The following ADA2 variants were observed in gnomAD, a reference collection of about 807,000 sequenced individuals.
ADA2 encodes adenosine deaminase 2, also known as adenosine deaminase CECR1.
Under a neutral mutation model 44.2 loss-of-function variants are expected in ADA2, and 29 were observed. That is an observed-to-expected ratio of 0.66 (90% CI 0.49 to 0.89). The LOEUF (loss-of-function observed/expected upper bound fraction) is 0.89. Ranked by LOEUF, ADA2 falls within the 40% of genes least tolerant of loss-of-function variation. ADA2 has a pLI of 0.00. For missense variants in ADA2, 637 were observed against 644.8 expected, an observed-to-expected ratio of 0.99 and a Z score of 0.13; for synonymous variants, 215 against 234.9, an observed-to-expected ratio of 0.92 and a Z score of 0.77.
chr22:17,190,847 G>A (rs1355940625), intron 5 of ADA2, among the ~76,000 whole-genome samples: 7 of 152,222 alleles, frequency 4.6e-5, no homozygotes, highest in Admixed American at 2.6e-4. Flanking sequence ...TAGGGGGACC[G>A]GCACAAAGCC....
chr22:17,182,265 C>T (rs939532948), intron 8 of ADA2, among the ~76,000 whole-genome samples: 3 of 152,160 alleles, frequency 2.0e-5, no homozygotes, highest in African/African-American at 4.8e-5. Flanking sequence ...CTCAGAGAAG[C>T]GCTAACTGAA....
intron 7 of ADA2, among the ~76,000 whole-genome samples, chr22:17,187,679 AAAAGAAG>A (rs935510900): frequency 6.6e-6 from 1 of 150,708 alleles, no homozygotes; most frequent in Non-Finnish European, 1.5e-5. Context: ...AAAAAAAAAA[AAAAGAAG>A]AAGAAGAAGG....
chr22:17,184,370 G>A (rs1255282457), intron 7 of ADA2, among the ~76,000 whole-genome samples: 3 of 152,148 alleles, frequency 2.0e-5, no homozygotes, highest in Non-Finnish European at 4.4e-5. Flanking sequence ...TGGACTGGGA[G>A]GTTATTTGTT....
intron 6 of ADA2, chr22:17,188,868 A>AAAAAAAAAAAAAAAAATATATATATAT: frequency 3.3e-4 from 27 of 81,174 alleles, no homozygotes; most frequent in African/African-American, 1.1e-3. Flanking sequence ...AAGAGCAAAA[A>AAAAAAAAAAAAAAAAATATATATATAT]ATATATATAT....
intron 4 of ADA2, chr22:17,199,493 G>A: frequency 1.3e-6 from 2 of 1,532,884 alleles, no homozygotes; most frequent in Non-Finnish European, 1.8e-6. Context: ...AGTTCCCTAT[G>A]CACTCCCACA....
intron 7 of ADA2, among the ~76,000 whole-genome samples, chr22:17,185,275 G>A (rs1250893664): frequency 1.3e-5 from 2 of 151,516 alleles, no homozygotes; most frequent in African/African-American, 2.4e-5. Flanking sequence ...TTAGCCGGGC[G>A]TGGTGGCAGG....
rs2123643851 is a variant in ADA2, at chr22:17,189,944, G to A, written c.970C>T (p.Leu324=). 1.2e-6 allele frequency: 2 copies of A among 1,611,566 alleles called. No individual in the cohort carries two copies. Among genetic ancestry groups the A allele is most frequent in the Non-Finnish European group, 8.5e-7 (1 of 1,177,704 alleles). Residue 324 remains leucine, a splice_region_variant and synonymous_variant, in exon 6 of 10, where the codon CTG becomes TTG. Transcript: ENST00000399837. ...KFPTVVAGFD[L]VGHEDTGHSL... is the part of the protein sequence containing the mutation. ...CTTCTGTTCACAGCATGGGTTACCAGGTCAAACCCTGCCACCACCGTGGGG... is the reference window on the plus strand; with the variant it reads ...CTTCTGTTCACAGCATGGGTTACCAAGTCAAACCCTGCCACCACCGTGGGG...
chr22:17,182,129 A>G (rs1401979151), intron 8 of ADA2, 107 bp from the exon 9 acceptor site: 7 of 838,584 alleles, frequency 8.3e-6, no homozygotes, highest in Non-Finnish European at 1.1e-5. Flanking sequence ...TCTTCCCATC[A>G]CTATCTCCCC....
chr22:17,192,158 G>A (rs1168844954), intron 4 of ADA2, among the ~76,000 whole-genome samples: 2 of 152,150 alleles, frequency 1.3e-5, no homozygotes, highest in Admixed American at 6.5e-5. Context: ...GGTCCTCTAC[G>A]GCCTTGGGCA....
At chr22:17,216,101 C>G (rs1438270580) in intron 1 of ADA2, among the ~76,000 whole-genome samples, 1 of 151,786 alleles carries the variant, frequency 6.6e-6, no homozygotes, top group African/African-American at 2.4e-5. Flanking sequence ...GCAGGAGAAT[C>G]GCTTGAACCT....
intron 1 of ADA2, among the ~76,000 whole-genome samples, chr22:17,211,281 C>G (rs147248149): frequency 6.6e-6 from 1 of 152,032 alleles, no homozygotes; most frequent in East Asian, 1.9e-4. Context: ...ATCACTTGAA[C>G]CCAGGAGGCA....
At position 17,188,627 on chromosome 22, in the gene ADA2, C is replaced by G. The variant is rs573450936; in HGVS notation, c.973-180G>C. 6.5e-5 allele frequency: 30 copies of G among 459,872 alleles called. No homozygotes were observed. The Admixed American group carries it at 7.7e-4, about 12-fold the overall frequency. The allele number at this position is 459,872 out of a possible 1,614,324, so 28.5% of individuals were successfully genotyped here. On this transcript the variant is annotated intron_variant, in intron 6 of 9. Transcript: ENST00000399837. Reference sequence around the variant, plus strand: ...AGGCGTGGTGGCTCACACCTGTAATCCCAGCACTTTGGGAGGCCGAGGCAG... The same window carrying G: ...AGGCGTGGTGGCTCACACCTGTAATGCCAGCACTTTGGGAGGCCGAGGCAG...
Position 17,182,776 on chromosome 22 carries a change from A to ATGGTCTTCCATGGGGGATGGATGGGTC in ADA2, c.1082-42_1082-16dup, listed in dbSNP as rs577994684. ...ACCCTGCCAGTCTGAACACACGGGA[A>ATGGTCTTCCATGGGGGATGGATGGGTC]TGGTCTTCCATGGGGGATGGATGGG... is the stretch of plus-strand genomic sequence containing the variant. On this transcript the variant is annotated splice_polypyrimidine_tract_variant and intron_variant, in intron 7 of 9. Coordinates refer to ENST00000399837, the MANE Select transcript of ADA2 (RefSeq NM_001282225.2). The ATGGTCTTCCATGGGGGATGGATGGGTC allele has an allele frequency of 6.2e-7, 1 of 1,611,760 alleles. No homozygotes were observed. The highest frequency in any genetic ancestry group is 8.5e-7 in the Non-Finnish European group (1 of 1,179,356).
In ADA2 at chr22:17,188,909, G is replaced by A. The variant is rs184864895; in HGVS notation, c.973-462C>T. Among the ~76,000 whole-genome samples the A allele has an allele frequency of 3.5e-4, 44 of 127,404 alleles. No homozygotes were observed. In the East Asian group the frequency reaches 3.6e-3, roughly 10 times the overall value. 83.6% of individuals were successfully genotyped at this position (127,404 alleles called of 152,430 possible). The stretch of plus-strand genomic sequence containing the variant: ...TATTTTGTAAAGACGGGGTCTCACC[G>A]ATTTGCTCAGGCTGGTCTAGAACTC... On this transcript the variant is annotated intron_variant, in intron 6 of 9. Coordinates refer to ENST00000399837, the MANE Select transcript of ADA2 (RefSeq NM_001282225.2).
intron 6 of ADA2, 95 bp downstream of exon 6, chr22:17,189,847 T>G: frequency 1.2e-6 from 1 of 848,436 alleles, no homozygotes; most frequent in East Asian, 2.5e-5. Flanking sequence ...AACAGGCACA[T>G]TGCGCTCCCT....
At chr22:17,203,827 C>A in intron 3 of ADA2, 54 bp from the exon 4 acceptor site, 1 of 1,287,698 alleles carries the variant, frequency 7.8e-7, no homozygotes, top group South Asian at 1.2e-5. Flanking sequence ...GACACTGCCC[C>A]CGGGCGCCCA....
In ADA2 at chr22:17,201,377, A is replaced by G. The variant is rs1200485016; in HGVS notation, c.753+2186T>C. 5.9e-5 allele frequency among the ~76,000 whole-genome samples: 9 copies of G among 152,188 alleles called. 1 individual carries two copies. Among genetic ancestry groups the G allele is most frequent in the Non-Finnish European group, 1.0e-4 (7 of 68,040 alleles). ...GAGTCCTATCACTTCTGGGTCTACA[A>G]ACAGTAAACTTCGGAGCGTATAAAA... On this transcript the variant is annotated intron_variant, in intron 4 of 9. Coordinates refer to ENST00000399837, the MANE Select transcript of ADA2 (RefSeq NM_001282225.2).
intron 5 of ADA2, among the ~76,000 whole-genome samples, chr22:17,191,137 C>G (rs2062109400): frequency 6.6e-6 from 1 of 152,218 alleles, no homozygotes. Context: ...CTGGTAAAGT[C>G]AGAAGGACAA....
intron 1 of ADA2, chr22:17,214,267 G>A (rs998548058): frequency 1.3e-5 from 4 of 299,530 alleles, no homozygotes; most frequent in South Asian, 3.9e-5. Context: ...ACACACCCTC[G>A]CATCTTCTGC....
Sources: gnomAD v4.1 joint callset for allele counts (sites outside exome capture counted in the v4.1 genomes callset) on GRCh38, gnomAD v4.1.1 for gene constraint, MANE v1.5 for transcripts, NCBI Gene and HGNC (gene_info 2026-07-23, HGNC 2026-07-21) for gene names.